Variants in PAX5 observed in about 807,000 individuals in gnomAD.
PAX5 encodes the protein paired box 5.
A neutral mutation model predicts 43.7 loss-of-function variants in PAX5; 9 were observed. That is an observed-to-expected ratio of 0.21 (90% CI 0.12 to 0.36). The LOEUF is 0.36. PAX5 is among the 10% of genes least tolerant of loss of function. PAX5 has a pLI of 1.00. For missense variants in PAX5, 383 were observed against 532.7 expected (o/e 0.72, Z 2.77); for synonymous variants, 228 against 214.3 (o/e 1.06, Z -0.56).
intron 7 of PAX5, among the ~76,000 whole-genome samples, chr9:36,883,647 A>G (rs1340456410): frequency 6.6e-6 from 1 of 152,140 alleles, no homozygotes; most frequent in Non-Finnish European, 1.5e-5. Context: ...CTTCAGCCTG[A>G]GAGACAGAGT....
rs2132596025 is a variant in PAX5 at position 37,034,214 on chromosome 9, A to T, written c.-183T>A. On this transcript the variant is annotated 5_prime_UTR_variant, in exon 1 of 10. Transcript: ENST00000358127. The stretch of plus-strand genomic sequence containing the variant: ...GTAGCTGATCACTGAGCTGAAACTA[A>T]ACGTTTTAGGTGGAAAAAAAGCGTC... 2 of 586,764 alleles carry T rather than the reference A, an allele frequency of 3.4e-6. No individual in the cohort carries two copies. Among genetic ancestry groups the T allele is most frequent in the Admixed American group, 3.0e-5 (1 of 32,842 alleles). The allele number at this position is 586,764 out of a possible 1,614,324, so 36.3% of individuals were successfully genotyped here. A position where few individuals can be genotyped will look rare whatever the true frequency, so the allele number is the denominator to read the frequency against.
At chr9:36,873,463 C>G (rs892366193) in intron 8 of PAX5, among the ~76,000 whole-genome samples, 5 of 152,250 alleles carry the variant, frequency 3.3e-5, no homozygotes, top group Non-Finnish European at 5.9e-5. Flanking sequence ...TGACTGGAGG[C>G]CACCAGAGGG....
At chr9:36,935,725 G>C (rs1423247817) in intron 6 of PAX5, among the ~76,000 whole-genome samples, 2 of 152,222 alleles carry the variant, frequency 1.3e-5, no homozygotes, top group African/African-American at 4.8e-5. Context: ...ATCTTTACCT[G>C]GCACTTGAAA....
chr9:37,026,525 C>T (rs1269149999), intron 1 of PAX5: 3 of 1,326,610 alleles, frequency 2.3e-6, no homozygotes, highest in Non-Finnish European at 3.0e-6. Flanking sequence ...AGCTCGCCGC[C>T]TACTTACTAT....
intron 7 of PAX5, among the ~76,000 whole-genome samples, chr9:36,896,538 C>T (rs567208346): frequency 3.3e-5 from 5 of 152,264 alleles, no homozygotes; most frequent in Admixed American, 2.6e-4. Flanking sequence ...TGCTGCTAGG[C>T]TGGTGCTGCA....
intron 3 of PAX5, among the ~76,000 whole-genome samples, chr9:37,013,650 C>G (rs1839154379): frequency 6.6e-6 from 1 of 152,116 alleles, no homozygotes; most frequent in Admixed American, 6.5e-5. Context: ...ATTGCTATCC[C>G]CTCAGCAATT....
intron 6 of PAX5, among the ~76,000 whole-genome samples, chr9:36,949,752 C>A (rs1432898920): frequency 1.3e-5 from 2 of 152,218 alleles, no homozygotes; most frequent in Non-Finnish European, 2.9e-5. Context: ...TCTCCTCAGG[C>A]CTTTCTGGGC....
chr9:36,910,192 C>T (rs1036213380), intron 7 of PAX5, among the ~76,000 whole-genome samples: 24 of 152,236 alleles, frequency 1.6e-4, no homozygotes, highest in African/African-American at 5.1e-4. Context: ...GTTCTCCCCA[C>T]ACCCTCTGCC....
intron 7 of PAX5, among the ~76,000 whole-genome samples, chr9:36,885,513 T>TAG (rs532564469): frequency 2.3e-4 from 35 of 152,304 alleles, no homozygotes; most frequent in Admixed American, 3.9e-4. Context: ...ATAGCCCTAT[T>TAG]AGAGAGCTAC....
intron 7 of PAX5, among the ~76,000 whole-genome samples, chr9:36,920,263 A>C (rs566078821): frequency 5.9e-5 from 9 of 152,354 alleles, no homozygotes; most frequent in Non-Finnish European, 1.2e-4. Flanking sequence ...ATTTTGAAAG[A>C]AATTCTATGG....
chr9:36,926,312 T>A (rs1012790888), intron 6 of PAX5, among the ~76,000 whole-genome samples: 3 of 152,038 alleles, frequency 2.0e-5, no homozygotes, highest in Non-Finnish European at 2.9e-5. Flanking sequence ...GAAAAAAAAA[T>A]ATCCAAGGGT....
intron 6 of PAX5, among the ~76,000 whole-genome samples, chr9:36,940,128 C>T (rs889489235): frequency 6.6e-6 from 1 of 152,222 alleles, no homozygotes; most frequent in Admixed American, 6.5e-5. Context: ...ATGTTCTACT[C>T]CTTCCAGACC....
chr9:36,889,940 A>AAGG (rs1827228184), intron 7 of PAX5, among the ~76,000 whole-genome samples: 1 of 82,290 alleles, frequency 1.2e-5, no homozygotes, highest in Non-Finnish European at 2.2e-5. Flanking sequence ...ATGTACACTA[A>AAGG]CGGGGGGGGG....
intron 5 of PAX5, among the ~76,000 whole-genome samples, chr9:36,968,273 C>T (rs112618545): frequency 0.013 from 2,028 of 152,310 alleles, 41 homozygotes; most frequent in African/African-American, 0.047. Context: ...TCATCCGTCA[C>T]GTCAAGCTCC....
chr9:36,979,388 G>A (rs1460291271), intron 5 of PAX5, among the ~76,000 whole-genome samples: 1 of 152,170 alleles, frequency 6.6e-6, no homozygotes, highest in African/African-American at 2.4e-5. Flanking sequence ...CTTTTATGTA[G>A]TTAAATTGAC....
chr9:36,835,097 T>C lies in PAX5; in HGVS notation c.*5463A>G, dbSNP rs1821551493. 8.6e-6 allele frequency: 2 copies of C among 233,176 alleles called. No homozygotes were observed. Among genetic ancestry groups the C allele is most frequent in the South Asian group, 1.8e-4 (1 of 5,532 alleles). 14.4% of individuals were successfully genotyped at this position (233,176 alleles called of 1,614,324 possible). On this transcript the variant is annotated 3_prime_UTR_variant, in exon 10 of 10. Transcript: ENST00000358127. ...TTTGCTGATTGTCCCTCAGTAGATA[T>C]TAATAGGTAAGCAGCTGCATTTTCT...
rs1387104246 is a variant in PAX5, at chr9:36,869,931, GATGGATAA to G, written c.1012+12065_1012+12072del. 2.0e-3 allele frequency among the ~76,000 whole-genome samples: 274 copies of G among 138,464 alleles called. 3 individuals are homozygous for G. The highest frequency in any genetic ancestry group is 3.2e-3 in the African/African-American group (110 of 34,498). The allele number at this position is 138,464 out of a possible 152,430, so 90.8% of individuals were successfully genotyped here. ...GGATGGATGGATGGATGGATGGATG[GATGGATAA>G]ATGGATGGATGGATGGATGGATAAA... On this transcript the variant is annotated intron_variant, in intron 8 of 9. Coordinates refer to ENST00000358127, the MANE Select transcript of PAX5 (RefSeq NM_016734.3).
intron 8 of PAX5, among the ~76,000 whole-genome samples, chr9:36,856,111 C>G (rs767800032): frequency 6.6e-6 from 1 of 152,206 alleles, no homozygotes; most frequent in African/African-American, 2.4e-5. Flanking sequence ...CTGACAGGTC[C>G]CTGCAGCCCC....
chr9:36,966,285 C>T (rs1834425007), intron 6 of PAX5, among the ~76,000 whole-genome samples: 1 of 152,212 alleles, frequency 6.6e-6, no homozygotes, highest in African/African-American at 2.4e-5. Context: ...GAAAGGACAC[C>T]AGAGCAGCCA....
Sources: gnomAD v4.1 joint callset for allele counts (sites outside exome capture counted in the v4.1 genomes callset) on GRCh38, gnomAD v4.1.1 for gene constraint, MANE v1.5 for transcripts, NCBI Gene and HGNC (gene_info 2026-07-23, HGNC 2026-07-21) for gene names.